Variants in CSNK2A2IP observed in about 807,000 individuals in gnomAD.
CSNK2A2IP encodes the protein casein kinase II subunit alpha'-interacting protein.
At chr3:88,466,870 C>A in the CSNK2A2IP span, 4 of 1,158,160 alleles carry the variant, frequency 3.5e-6, no homozygotes, top group African/African-American at 6.4e-5. Context: ...TTCTGTCATA[C>A]CAACACCTGA....
chr3:88,393,762 T>C, the CSNK2A2IP span, among the ~76,000 whole-genome samples: 4 of 152,190 alleles, frequency 2.6e-5, no homozygotes, highest in East Asian at 5.8e-4. Context: ...GAATTTGAGA[T>C]GTAAAATTCA....
chr3:88,411,630 T>C, the CSNK2A2IP span, among the ~76,000 whole-genome samples: 3 of 151,874 alleles, frequency 2.0e-5, no homozygotes, highest in Non-Finnish European at 4.4e-5. Flanking sequence ...AGCTGATAAT[T>C]CAGTTTGTGA....
chr3:88,350,216 C>T, the CSNK2A2IP span, among the ~76,000 whole-genome samples: 2 of 152,124 alleles, frequency 1.3e-5, no homozygotes, highest in African/African-American at 4.8e-5. Context: ...TCATGAAACT[C>T]ATTTCCTTTC....
chr3:88,425,190 G>A, the CSNK2A2IP span, among the ~76,000 whole-genome samples: 1 of 151,890 alleles, frequency 6.6e-6, no homozygotes, highest in South Asian at 2.1e-4. Flanking sequence ...CTAGAGAAGA[G>A]CAACAACTAT....
chr3:88,413,578 C>A, the CSNK2A2IP span, among the ~76,000 whole-genome samples: 3 of 151,670 alleles, frequency 2.0e-5, no homozygotes, highest in Non-Finnish European at 4.4e-5. Context: ...ACATTCACGC[C>A]TACTTTTGGA....
At chr3:88,339,488 A>G in the CSNK2A2IP span, among the ~76,000 whole-genome samples, 2 of 152,060 alleles carry the variant, frequency 1.3e-5, no homozygotes, top group African/African-American at 2.4e-5. Flanking sequence ...TATTGTGAGT[A>G]GTGCTGTAAT....
the CSNK2A2IP span, among the ~76,000 whole-genome samples, chr3:88,344,669 T>A: frequency 6.6e-6 from 1 of 151,942 alleles, no homozygotes; most frequent in Non-Finnish European, 1.5e-5. Context: ...TCCCATTCCA[T>A]TGGAAAGATC....
chr3:88,417,425 T>C, the CSNK2A2IP span, among the ~76,000 whole-genome samples: 14 of 152,176 alleles, frequency 9.2e-5, no homozygotes, highest in Admixed American at 1.3e-4. Context: ...TCCCGTAGTT[T>C]ACAGGGGCAA....
the CSNK2A2IP span, among the ~76,000 whole-genome samples, chr3:88,414,447 T>A: frequency 6.6e-6 from 1 of 151,288 alleles, no homozygotes. Context: ...CACGCCCAGC[T>A]AATTTTAGTA....
the CSNK2A2IP span, among the ~76,000 whole-genome samples, chr3:88,449,339 G>A: frequency 1.9e-4 from 29 of 152,070 alleles, no homozygotes; most frequent in African/African-American, 6.8e-4. Flanking sequence ...AACATGACAA[G>A]TGTGCAAAAT....
the CSNK2A2IP span, among the ~76,000 whole-genome samples, chr3:88,464,140 A>G: frequency 3.9e-3 from 547 of 139,786 alleles, 7 homozygotes; most frequent in African/African-American, 0.014. Context: ...AGGAAGGGGA[A>G]CATCACACAC....
the CSNK2A2IP span, among the ~76,000 whole-genome samples, chr3:88,422,380 G>A: frequency 6.6e-6 from 1 of 152,118 alleles, no homozygotes; most frequent in South Asian, 2.1e-4. Context: ...ACAGGGCCTG[G>A]TACATAGTGA....
At chr3:88,399,460 A>C in the CSNK2A2IP span, among the ~76,000 whole-genome samples, 4 of 152,178 alleles carry the variant, frequency 2.6e-5, no homozygotes, top group Non-Finnish European at 5.9e-5. Context: ...GTCAGACTCA[A>C]AAATACAGAC....
chr3:88,388,088 C>A, the CSNK2A2IP span, among the ~76,000 whole-genome samples: 1 of 152,130 alleles, frequency 6.6e-6, no homozygotes, highest in Non-Finnish European at 1.5e-5. Flanking sequence ...GTGCACAGAA[C>A]TCTTTATTTT....
the CSNK2A2IP span, among the ~76,000 whole-genome samples, chr3:88,357,762 G>GT: frequency 6.1e-5 from 1 of 16,422 alleles, no homozygotes; most frequent in African/African-American, 7.1e-5. Context: ...TTTCATCAAT[G>GT]GTTTTTTTTT....
At chr3:88,385,198 C>T in the CSNK2A2IP span, among the ~76,000 whole-genome samples, 5 of 151,928 alleles carry the variant, frequency 3.3e-5, no homozygotes, top group African/African-American at 7.3e-5. Context: ...GGTCGCAGGC[C>T]GAATAGTTAG....
At chr3:88,352,353 A>T in the CSNK2A2IP span, among the ~76,000 whole-genome samples, 2 of 150,900 alleles carry the variant, frequency 1.3e-5, no homozygotes, top group African/African-American at 5.0e-5. Flanking sequence ...GCACCCTTTG[A>T]AAAAATTGAT....
the CSNK2A2IP span, among the ~76,000 whole-genome samples, chr3:88,396,176 C>T: frequency 2.7e-5 from 4 of 147,060 alleles, no homozygotes; most frequent in Non-Finnish European, 1.5e-5. Flanking sequence ...GCAATCTCGG[C>T]TCACTGCAGG....
At chr3:88,367,871 G>A in the CSNK2A2IP span, among the ~76,000 whole-genome samples, 1 of 152,006 alleles carries the variant, frequency 6.6e-6, no homozygotes, top group Non-Finnish European at 1.5e-5. Context: ...ATGGTTAAGG[G>A]GATAGTATTT....
Sources: allele counts gnomAD v4.1 joint callset (sites outside exome capture counted in the v4.1 genomes callset), GRCh38; gene constraint gnomAD v4.1.1; transcripts MANE v1.5; gene names NCBI Gene and HGNC (gene_info 2026-07-23, HGNC 2026-07-21).